The following DMTN variants were observed in gnomAD, a reference collection of about 807,000 sequenced individuals.
DMTN encodes the protein dematin.
DMTN carries 27 observed loss-of-function variants against 59.4 expected under a neutral mutation model. That is an observed-to-expected ratio of 0.45 (90% CI 0.33 to 0.63). The LOEUF (loss-of-function observed/expected upper bound fraction) is 0.63. Ranked by LOEUF, DMTN falls within the 20% of genes least tolerant of loss-of-function variation. DMTN has a pLI of 0.02. For synonymous variants in DMTN, 221 were observed against 203.7 expected, an observed-to-expected ratio of 1.08 and a Z score of -0.72; for missense variants, 451 against 528.9, an observed-to-expected ratio of 0.85 and a Z score of 1.45.
At chr8:22,068,848 GA>G (rs1812883072) in intron 4 of DMTN, among the ~76,000 whole-genome samples, 167 bp from the exon 5 acceptor site, 3 of 152,168 alleles carry the variant, frequency 2.0e-5, no homozygotes, top group Admixed American at 2.0e-4. Context: ...GAAGGCTGAG[GA>G]CTTTGTGCAG....
chr8:22,074,314 C>T (rs1818111389), intron 10 of DMTN, among the ~76,000 whole-genome samples: 1 of 152,150 alleles, frequency 6.6e-6, no homozygotes, highest in Admixed American at 6.5e-5. Context: ...TGCTCTGTTG[C>T]CCAGGCTGGA....
At chr8:22,069,638 C>T in intron 6 of DMTN, 120 bp downstream of exon 6, 1 of 952,368 alleles carries the variant, frequency 1.1e-6, no homozygotes, top group Non-Finnish European at 1.6e-6. Flanking sequence ...CTAAGTAGGC[C>T]CCAGGAGGCC....
chr8:22,068,769 A>G (rs1241513135), intron 4 of DMTN, among the ~76,000 whole-genome samples: 1 of 151,888 alleles, frequency 6.6e-6, no homozygotes, highest in African/African-American at 2.4e-5. Flanking sequence ...GAAGGAAGGA[A>G]GAAAAGAGTG....
At chr8:22,068,605 A>G (rs904913425) in intron 4 of DMTN, among the ~76,000 whole-genome samples, 3 of 151,960 alleles carry the variant, frequency 2.0e-5, no homozygotes, top group Admixed American at 6.6e-5. Flanking sequence ...AGAATAAGAG[A>G]CAAGAGAGAA....
rs1563488912 is a variant in DMTN at position 22,072,384 on chromosome 8, G to C, written c.663G>C (p.Glu221Asp). Reference protein sequence around the residue: ...SRRGAEEEEEEEDDDSGEEMK... With the variant: ...SRRGAEEEEEDEDDDSGEEMK... ...GGGGAGCAGAGGAAGAGGAGGAGGA[G>C]GAAGATGACGACTCTGGAGAGGAGA... Residue 221 changes from glutamate to aspartate, a missense_variant, in exon 9 of 16, where the codon GAG (glutamate) becomes GAC (aspartate). Physicochemically the swap from Glu to Asp is conservative, Grantham distance 45. Transcript: ENST00000358242. 6.2e-7 allele frequency: 1 copy of C among 1,601,666 alleles called. No homozygotes were observed. The highest frequency in any genetic ancestry group is 8.5e-7 in the Non-Finnish European group (1 of 1,173,326).
At chr8:22,056,653 G>A (rs1802727062), upstream of DMTN, among the ~76,000 whole-genome samples, 1 of 152,194 alleles carries the variant, frequency 6.6e-6, no homozygotes, top group Non-Finnish European at 1.5e-5. Flanking sequence ...ATGACGCTGG[G>A]TTAATGCTCC....
chr8:22,051,823 A>T (rs1372791170), upstream of DMTN, among the ~76,000 whole-genome samples: 1 of 152,222 alleles, frequency 6.6e-6, no homozygotes, highest in Admixed American at 6.5e-5. Context: ...AGTCCAGTAC[A>T]TCCGAGTTTG....
At chr8:22,069,193 G>C in intron 5 of DMTN, 133 bp downstream of exon 5, 1 of 1,106,026 alleles carries the variant, frequency 9.0e-7, no homozygotes, top group South Asian at 1.5e-5. Context: ...GGCTGTCACT[G>C]GCCAGCTCTG....
At chr8:22,068,868 G>A (rs1358849239) in intron 4 of DMTN, 148 bp from the exon 5 acceptor site, 2 of 927,956 alleles carry the variant, frequency 2.2e-6, no homozygotes, top group Non-Finnish European at 3.5e-6. Context: ...AGGGAACTGT[G>A]GGAAGGATCC....
At chr8:22,057,530 T>G (rs1803344798) in intron 1 of DMTN, among the ~76,000 whole-genome samples, 1 of 152,112 alleles carries the variant, frequency 6.6e-6, no homozygotes, top group Non-Finnish European at 1.5e-5. Context: ...CCACATGCTC[T>G]GGGGGTTGGA....
At chr8:22,049,047 G>A (rs1405750702), upstream of DMTN, 1 of 147,406 alleles carries the variant, frequency 6.8e-6, no homozygotes, top group East Asian at 2.0e-4. Context: ...ACCTGTTGGG[G>A]AAGAAAACCC....
At chr8:22,066,348 G>A (rs1374092247) in intron 1 of DMTN, 1 of 152,430 alleles carries the variant, frequency 6.6e-6, no homozygotes, top group African/African-American at 2.4e-5. Flanking sequence ...GGGAGGTGGC[G>A]GCGGGGACAG....
Position 22,060,980 on chromosome 8 carries a change from G to A in DMTN, c.-172+3844G>A, listed in dbSNP as rs886692554. 2.0e-5 allele frequency among the ~76,000 whole-genome samples: 3 copies of A among 152,058 alleles called. No individual in the cohort carries two copies. Among genetic ancestry groups the A allele is most frequent in the Non-Finnish European group, 4.4e-5 (3 of 68,018 alleles). On this transcript the variant is annotated intron_variant, in intron 1 of 15. Transcript: ENST00000358242. The surrounding 1 kb of genome is among the most constrained non-coding windows in gnomAD (Gnocchi z 5.0). ...AAGATTGGAATGTAAGGGTTAAATT[G>A]AAACAAAGATGGGCTGGGCAGGGGC...
At chr8:22,077,782 A>C (rs530770703) in intron 10 of DMTN, among the ~76,000 whole-genome samples, 62 of 152,314 alleles carry the variant, frequency 4.1e-4, no homozygotes, top group African/African-American at 1.4e-3. Context: ...AATCATGAAC[A>C]GGCATGTCAT....
chr8:22,058,595 G>T lies in DMTN; in HGVS notation c.-172+1459G>T, dbSNP rs1040701814. Among the ~76,000 whole-genome samples the T allele has an allele frequency of 1.3e-5, 2 of 152,266 alleles. No homozygotes were observed. Among genetic ancestry groups the T allele is most frequent in the Admixed American group, 1.3e-4 (2 of 15,296 alleles). On this transcript the variant is annotated intron_variant, in intron 1 of 15. Coordinates refer to ENST00000358242, the MANE Select transcript of DMTN (RefSeq NM_001387751.1). The surrounding 1 kb of genome is among the most constrained non-coding windows in gnomAD (Gnocchi z 4.3). ...GAGGCAGGAGGGGGCACCTGGGCCCGGTTTTGTTGTTATTGAGAGAACAAG... is the reference window on the plus strand; with the variant it reads ...GAGGCAGGAGGGGGCACCTGGGCCCTGTTTTGTTGTTATTGAGAGAACAAG...
chr8:22,069,327 G>T, intron 5 of DMTN, 92 bp from the exon 6 acceptor site: 1 of 1,151,002 alleles, frequency 8.7e-7, no homozygotes, highest in East Asian at 2.6e-5. Context: ...CGGCCAGGAT[G>T]GGAGGACAGA....
intron 14 of DMTN, 21 bp from the exon 15 acceptor site, chr8:22,081,092 T>TGGGGGTG: frequency 6.5e-7 from 1 of 1,547,306 alleles, no homozygotes; most frequent in Non-Finnish European, 8.9e-7. Flanking sequence ...AGCCTAAGAT[T>TGGGGGTG]GCCCCTCCCC....
rs1816453373 is a variant in DMTN at position 22,072,563 on chromosome 8, A to T, written c.729+113A>T. 1.7e-5 allele frequency: 19 copies of T among 1,097,090 alleles called. 1 individual carries two copies. The South Asian group carries it at 3.7e-4, about 21-fold the overall frequency. The allele number at this position is 1,097,090 out of a possible 1,614,324, so 68.0% of individuals were successfully genotyped here. A position where few individuals can be genotyped will look rare whatever the true frequency, so the allele number is the denominator to read the frequency against. ...CACTGCAACCTCCGCTCCCAGGTTC[A>T]AGTGATTCTCCTGCCTCAACCTCTT... On this transcript the variant is annotated intron_variant, in intron 9 of 15. Transcript: ENST00000358242.
In DMTN at chr8:22,072,317, G is replaced by A. The variant is rs780499487; in HGVS notation, c.605-9G>A. The A allele has an allele frequency of 2.5e-6, 4 of 1,594,588 alleles. No individual in the cohort carries two copies. The highest frequency in any genetic ancestry group is 3.4e-6 in the Non-Finnish European group (4 of 1,170,144). Reference sequence around the variant, plus strand: ...TGACTCCCTCCCCACCTTTGCTTGTGTCTCCTAGAGACAGAATGGAGGAAG... The same window carrying A: ...TGACTCCCTCCCCACCTTTGCTTGTATCTCCTAGAGACAGAATGGAGGAAG... On this transcript the variant is annotated splice_polypyrimidine_tract_variant and intron_variant, in intron 8 of 15. Coordinates refer to ENST00000358242, the MANE Select transcript of DMTN (RefSeq NM_001387751.1).
Sources: allele counts gnomAD v4.1 joint callset (sites outside exome capture counted in the v4.1 genomes callset), GRCh38; gene constraint gnomAD v4.1.1; non-coding constraint Gnocchi (gnomAD v3.1); transcripts MANE v1.5; gene names NCBI Gene and HGNC (gene_info 2026-07-23, HGNC 2026-07-21).